The following ELFN1 variants were observed in gnomAD, a reference collection of about 807,000 sequenced individuals.
ELFN1 encodes extracellular leucine rich repeat and fibronectin type III domain containing 1, also known as protein ELFN1.
A neutral mutation model predicts 7.6 loss-of-function variants in ELFN1; 6 were observed. The observed-to-expected ratio is 0.79, with a 90% CI of 0.43 to 1.56. The LOEUF (loss-of-function observed/expected upper bound fraction) is 1.56. Among genes scored for constraint, ELFN1 ranks in the 40% most tolerant of loss-of-function variants. ELFN1 has a pLI of 0.01. For synonymous variants in ELFN1, 657 were observed against 588.1 expected (o/e 1.12, Z -1.70); for missense variants, 1,169 against 1,232.2 (o/e 0.95, Z 0.77).
chr7:1,746,079 A>G lies in ELFN1; in HGVS notation c.1483A>G (p.Thr495Ala). The change falls in exon 4 of 4, where the codon ACG (threonine) becomes GCG (alanine). Residue 495 changes from threonine (T) to alanine (A), a missense_variant. Transcript: ENST00000424383. ...CCCGCTGCTGGGCCCCGAGGCCGTG[A>G]CGCGCATCCCTTACCTGCCTGCGGC... ...QGPLLGPEAV[T>A]RIPYLPAAGE... 1.3e-6 allele frequency: 2 copies of G among 1,547,108 alleles called. No homozygotes were observed. The highest frequency in any genetic ancestry group is 1.2e-5 in the South Asian group (1 of 83,882).
chr7:1,698,276 C>T (rs893160424), intron 2 of ELFN1, among the ~76,000 whole-genome samples: 3 of 152,230 alleles, frequency 2.0e-5, no homozygotes, highest in Non-Finnish European at 4.4e-5. Flanking sequence ...CTCTCATATA[C>T]AATTCATCAG....
chr7:1,746,752 C>T lies in ELFN1; in HGVS notation c.2156C>T (p.Pro719Leu), dbSNP rs1256293482. The T allele has an allele frequency of 4.7e-6, 7 of 1,499,888 alleles. No homozygotes were observed. The highest frequency in any genetic ancestry group is 5.4e-5 in the East Asian group (2 of 37,212). The allele number at this position is 1,499,888 out of a possible 1,614,324, so 92.9% of individuals were successfully genotyped here. A position where few individuals can be genotyped will look rare whatever the true frequency, so the allele number is the denominator to read the frequency against. The part of the protein sequence containing the change: ...GSHPAEPPAP[P>L]GPPPPPPHEG... ...CACCCGGCCGAGCCACCTGCGCCCC[C>T]CGGGCCACCGCCGCCGCCTCCGCAC... is the stretch of plus-strand genomic sequence containing the variant. The change falls in exon 4 of 4, where the codon CCC (proline) becomes CTC (leucine). Residue 719 changes from proline to leucine, a missense_variant. This residue lies in a region of ELFN1 where 914 missense variants were observed against 872.6 expected (regional missense o/e 1.05). Transcript: ENST00000424383.
chr7:1,674,701 C>T (rs1778833767), intron 1 of ELFN1, among the ~76,000 whole-genome samples: 1 of 152,160 alleles, frequency 6.6e-6, no homozygotes, highest in Admixed American at 6.5e-5. Context: ...CGGGCAGCCA[C>T]AGTGGGAGAG....
intron 2 of ELFN1, among the ~76,000 whole-genome samples, chr7:1,698,993 A>G (rs770998025): frequency 2.6e-5 from 4 of 152,174 alleles, no homozygotes; most frequent in Non-Finnish European, 5.9e-5. Flanking sequence ...CTTCCGGCAT[A>G]GCTGAATTTT....
At chr7:1,720,248 C>T (rs1169472679) in intron 3 of ELFN1, among the ~76,000 whole-genome samples, 1 of 152,238 alleles carries the variant, frequency 6.6e-6, no homozygotes, top group Non-Finnish European at 1.5e-5. Flanking sequence ...GAGTCCACGG[C>T]CTCTGCCCTT....
chr7:1,707,076 C>T (rs1305959891), intron 2 of ELFN1, among the ~76,000 whole-genome samples: 2 of 152,216 alleles, frequency 1.3e-5, no homozygotes, highest in Non-Finnish European at 2.9e-5. Context: ...CTGCTTGCGA[C>T]GGTAATGGAG....
Position 1,746,046 on chromosome 7 carries a change from T to G in ELFN1, c.1450T>G (p.Ser484Ala). 6.5e-7 allele frequency: 1 copy of G among 1,546,582 alleles called. No homozygotes were observed. Among genetic ancestry groups the G allele is most frequent in the Non-Finnish European group, 8.7e-7 (1 of 1,144,916 alleles). Residue 484 changes from serine (S) to alanine (A), a missense_variant, in exon 4 of 4, where the codon TCC (serine) becomes GCC (alanine). By Grantham distance (99) the Ser-to-Ala change is moderately conservative. Around this residue, in one of 2 missense-constraint regions of ELFN1, gnomAD observed 914 missense variants for 872.6 expected, o/e 1.05. Transcript: ENST00000424383. Reference protein sequence around the residue: ...ELEAPGLAPLSQGPLLGPEAV... With the variant: ...ELEAPGLAPLAQGPLLGPEAV... ...GGAGGCGCCCGGCCTGGCCCCGCTG[T>G]CCCAGGGCCCGCTGCTGGGCCCCGA...
intron 3 of ELFN1, among the ~76,000 whole-genome samples, chr7:1,720,127 T>G (rs1779974667): frequency 6.6e-6 from 1 of 152,254 alleles, no homozygotes; most frequent in Non-Finnish European, 1.5e-5. Flanking sequence ...GCGAGCCTGA[T>G]GCTGCCTGGA....
At chr7:1,718,564 A>G (rs1227654380) in intron 3 of ELFN1, among the ~76,000 whole-genome samples, 1 of 152,232 alleles carries the variant, frequency 6.6e-6, no homozygotes, top group African/African-American at 2.4e-5. Context: ...GACACCGACC[A>G]TGTAACTTAG....
intron 3 of ELFN1, among the ~76,000 whole-genome samples, chr7:1,741,907 G>A (rs191108608): frequency 6.6e-6 from 1 of 152,196 alleles, no homozygotes; most frequent in East Asian, 1.9e-4. Context: ...AGTGAGCATG[G>A]CCTGCGCACT....
At chr7:1,743,470 C>T (rs1450280421) in intron 3 of ELFN1, among the ~76,000 whole-genome samples, 1 of 152,192 alleles carries the variant, frequency 6.6e-6, no homozygotes, top group Admixed American at 6.5e-5. Context: ...CCCCTATCCA[C>T]CAAGGTGAGG....
Position 1,695,750 on chromosome 7 carries a change from A to AC in ELFN1, c.-456+7600_-456+7601insC, listed in dbSNP as rs1483760367. Among the ~76,000 whole-genome samples, 1 of 149,960 alleles carries AC rather than the reference A, an allele frequency of 6.7e-6. No individual in the cohort carries two copies. Among genetic ancestry groups the AC allele is most frequent in the Non-Finnish European group, 1.5e-5 (1 of 67,258 alleles). On this transcript the variant is annotated intron_variant, in intron 2 of 3. Coordinates refer to ENST00000424383, the MANE Select transcript of ELFN1 (RefSeq NM_001128636.4). This position sits in a 1 kb window ranked among gnomAD's most constrained non-coding sequence, Gnocchi z 5.1. ...GTGACAGAGCGAGACTCCGTGTCAA[A>AC]AAAAAAAAAAAAAAAAAAAAAACCG...
intron 3 of ELFN1, among the ~76,000 whole-genome samples, chr7:1,713,802 G>A (rs1319685772): frequency 6.6e-6 from 1 of 152,176 alleles, no homozygotes; most frequent in African/African-American, 2.4e-5. Flanking sequence ...TGCAGGGCTG[G>A]CATCCCAGCG....
intron 2 of ELFN1, among the ~76,000 whole-genome samples, chr7:1,700,805 CGGGTGTGTCCTGGTA>C (rs1051954022): frequency 1.3e-5 from 2 of 152,192 alleles, no homozygotes; most frequent in African/African-American, 2.4e-5. Flanking sequence ...GCCGGTCTGG[CGGGTGTGTCCTGGTA>C]TCTTACCAAG....
In ELFN1 at chr7:1,673,123, T is replaced by C. The variant is rs1352394390; in HGVS notation, c.-549+2769T>C. Among the ~76,000 whole-genome samples, 1 of 150,506 alleles carries C rather than the reference T, an allele frequency of 6.6e-6. No homozygotes were observed. Among genetic ancestry groups the C allele is most frequent in the African/African-American group, 2.4e-5 (1 of 41,046 alleles). The stretch of plus-strand genomic sequence containing the variant: ...CTTTCCTTTTTGTTTTTGTTGTGGA[T>C]TTGGTTTCTTCCAGCACAAGCTCAG... On this transcript the variant is annotated intron_variant, in intron 1 of 3. Transcript: ENST00000424383. This position sits in a 1 kb window ranked among gnomAD's most constrained non-coding sequence, Gnocchi z 4.7.
intron 2 of ELFN1, among the ~76,000 whole-genome samples, chr7:1,697,011 G>A (rs1446408771): frequency 6.6e-6 from 1 of 152,252 alleles, no homozygotes; most frequent in African/African-American, 2.4e-5. Context: ...GCTTCTCAGA[G>A]GAGGTGACTC....
chr7:1,721,217 ATCAC>A (rs1362670366), intron 3 of ELFN1, among the ~76,000 whole-genome samples: 1 of 152,150 alleles, frequency 6.6e-6, no homozygotes, highest in Non-Finnish European at 1.5e-5. Flanking sequence ...TACATGGCTG[ATCAC>A]TCACTCACCC....
intron 3 of ELFN1, among the ~76,000 whole-genome samples, chr7:1,710,981 C>T (rs1779636906): frequency 6.6e-6 from 1 of 152,210 alleles, no homozygotes; most frequent in South Asian, 2.1e-4. Flanking sequence ...CCAGGTGTTC[C>T]AGGCCCCCAG....
At position 1,745,215 on chromosome 7, in the gene ELFN1, G is replaced by A. The variant is rs556140343; in HGVS notation, c.619G>A (p.Ala207Thr). ...GCTGGGCTTCCTGCGCTGGCTGGCC[G>A]CCTTCACCAACGCCACACAGACGTA... is the stretch of plus-strand genomic sequence containing the variant. ...ELLGFLRWLAAFTNATQTYDR... is the reference protein window; with the variant it reads ...ELLGFLRWLATFTNATQTYDR... The change falls in exon 4 of 4, where the codon GCC becomes ACC. Residue 207 changes from alanine to threonine, a missense_variant. Physicochemically the swap from Ala to Thr is moderately conservative, Grantham distance 58. Coordinates refer to ENST00000424383, the MANE Select transcript of ELFN1 (RefSeq NM_001128636.4). The A allele has an allele frequency of 2.1e-5, 33 of 1,543,142 alleles. No individual in the cohort carries two copies. The highest frequency in any genetic ancestry group is 3.3e-4 in the Middle Eastern group (2 of 5,990).
Sources: gnomAD v4.1 joint callset for allele counts (sites outside exome capture counted in the v4.1 genomes callset) on GRCh38, gnomAD v4.1.1 for gene constraint, gnomAD v4.1.1 regional missense constraint, Gnocchi (gnomAD v3.1) non-coding constraint, MANE v1.5 for transcripts, NCBI Gene and HGNC (gene_info 2026-07-23, HGNC 2026-07-21) for gene names.